The following SEPTIN5 variants were observed in gnomAD, a reference collection of about 807,000 sequenced individuals.
SEPTIN5 encodes the protein septin 5.
SEPTIN5 carries 16 observed loss-of-function variants against 51.2 expected under a neutral mutation model. The observed-to-expected ratio is 0.31, with a 90% CI of 0.21 to 0.47. The LOEUF is 0.47. Ranked by LOEUF, SEPTIN5 falls within the 20% of genes least tolerant of loss-of-function variation. SEPTIN5 has a pLI of 0.99. For synonymous variants in SEPTIN5, 208 were observed against 191.2 expected (o/e 1.09, Z -0.72); for missense variants, 376 against 500.3 (o/e 0.75, Z 2.37).
At chr22:19,716,346 A>G (rs1935910975) in intron 2 of SEPTIN5, among the ~76,000 whole-genome samples, 1 of 152,152 alleles carries the variant, frequency 6.6e-6, no homozygotes, top group African/African-American at 2.4e-5. Flanking sequence ...TGCTCTTTGA[A>G]AGGGGGCTGT....
rs558708440 is a variant in SEPTIN5 at position 19,714,645 on chromosome 22, C to CTGCCCGCGTGCCCGCG, written c.43+15_43+30dup. 1 of 1,509,086 alleles carries CTGCCCGCGTGCCCGCG rather than the reference C, an allele frequency of 6.6e-7. No individual in the cohort carries two copies. The highest frequency in any genetic ancestry group is 1.2e-5 in the South Asian group (1 of 81,380). The allele number at this position is 1,509,086 out of a possible 1,614,324, so 93.5% of individuals were successfully genotyped here. ...TGGCGACCCCAGGTGAGCCCAGCGC[C>CTGCCCGCGTGCCCGCG]TGCCCGCGTGCCCGCGCGCGCCTTT... is the stretch of plus-strand genomic sequence containing the variant. On this transcript the variant is annotated intron_variant, in intron 1 of 11. Coordinates refer to ENST00000455784, the MANE Select transcript of SEPTIN5 (RefSeq NM_002688.6). This position sits in a 1 kb window ranked among gnomAD's most constrained non-coding sequence, Gnocchi z 5.2.
In SEPTIN5 at chr22:19,720,061, A is replaced by C. The variant is rs1935994714; in HGVS notation, c.239-54A>C. The C allele has an allele frequency of 2.5e-6, 4 of 1,611,032 alleles. No individual in the cohort carries two copies. The Admixed American group carries it at 5.0e-5, about 20-fold the overall frequency. On this transcript the variant is annotated intron_variant, in intron 4 of 11. Coordinates refer to ENST00000455784, the MANE Select transcript of SEPTIN5 (RefSeq NM_002688.6). ...GATGAGGACGAGGGTCCTGGCTGCC[A>C]AGGGTGAGGGGCTGAGGGTTGGAGA...
chr22:19,723,165 C>T lies in SEPTIN5; in HGVS notation c.*681C>T, dbSNP rs776521123. The stretch of plus-strand genomic sequence containing the variant: ...CCCCTGCCCTCGCTCGAGGCCTCTT[C>T]TCCCCAGCACCGCTGTGGTGTGCCG... On this transcript the variant is annotated 3_prime_UTR_variant, in exon 12 of 12. Transcript: ENST00000455784. 4 of 572,290 alleles carry T rather than the reference C, an allele frequency of 7.0e-6. No homozygotes were observed. The highest frequency in any genetic ancestry group is 1.3e-5 in the Non-Finnish European group (4 of 302,270). 35.5% of individuals were successfully genotyped at this position (572,290 alleles called of 1,614,324 possible). A position where few individuals can be genotyped will look rare whatever the true frequency, so the allele number is the denominator to read the frequency against.
chr22:19,722,625 C>T lies in SEPTIN5; in HGVS notation c.*141C>T. The T allele has an allele frequency of 3.3e-6, 3 of 899,186 alleles. No individual in the cohort carries two copies. The highest frequency in any genetic ancestry group is 5.1e-6 in the Non-Finnish European group (3 of 585,602). 55.7% of individuals were successfully genotyped at this position (899,186 alleles called of 1,614,324 possible). A position where few individuals can be genotyped will look rare whatever the true frequency, so the allele number is the denominator to read the frequency against. On this transcript the variant is annotated 3_prime_UTR_variant, in exon 12 of 12. Transcript: ENST00000455784. ...TTCTCAGCACCACCCCCTCCCAGGT[C>T]ATTGTGTCTGTTTCCGAGGGGCCTG...
At chr22:19,718,491 T>C in intron 2 of SEPTIN5, 1 of 1,213,600 alleles carries the variant, frequency 8.2e-7, no homozygotes, top group Non-Finnish European at 1.0e-6. Context: ...CTGCCCGGAC[T>C]GCGACGCCGC....
At position 19,722,424 on chromosome 22, in the gene SEPTIN5, G is replaced by A; in HGVS notation, c.1054-4G>A. 1 of 1,600,682 alleles carries A rather than the reference G, an allele frequency of 6.2e-7. No individual in the cohort carries two copies. Among genetic ancestry groups the A allele is most frequent in the Middle Eastern group, 1.7e-4 (1 of 6,042 alleles). Reference sequence around the variant, plus strand: ...CTCACCCGCCGGGTTGTCTCCGCCCGCAGCTGAGGCGCATGCAGGAGATGC... The same window carrying A: ...CTCACCCGCCGGGTTGTCTCCGCCCACAGCTGAGGCGCATGCAGGAGATGC... On this transcript the variant is annotated splice_polypyrimidine_tract_variant and splice_region_variant and intron_variant, in intron 11 of 11. Transcript: ENST00000455784.
At position 19,714,876 on chromosome 22, in the gene SEPTIN5, G is replaced by T; in HGVS notation, c.54+85G>T. 3 of 1,467,332 alleles carry T rather than the reference G, an allele frequency of 2.0e-6. No individual in the cohort carries two copies. Among genetic ancestry groups the T allele is most frequent in the Non-Finnish European group, 2.8e-6 (3 of 1,089,388 alleles). 90.9% of individuals were successfully genotyped at this position (1,467,332 alleles called of 1,614,324 possible). A position where few individuals can be genotyped will look rare whatever the true frequency, so the allele number is the denominator to read the frequency against. On this transcript the variant is annotated intron_variant, in intron 2 of 11. Coordinates refer to ENST00000455784, the MANE Select transcript of SEPTIN5 (RefSeq NM_002688.6). The surrounding 1 kb of genome is among the most constrained non-coding windows in gnomAD (Gnocchi z 5.2). ...ACTAGCGCCTTGGGCGCCCAGGCGC[G>T]ACCCCGCCCCCGCCGGCCCTCACCC...
Position 19,722,702 on chromosome 22 carries a change from G to T in SEPTIN5, c.*218G>T. Reference sequence around the variant, plus strand: ...TCTCTGACCTTGGGGGATCAGGAGCGAAGTTGGGCGGGACTTCAGAGATCC... The same window carrying T: ...TCTCTGACCTTGGGGGATCAGGAGCTAAGTTGGGCGGGACTTCAGAGATCC... On this transcript the variant is annotated 3_prime_UTR_variant, in exon 12 of 12. Coordinates refer to ENST00000455784, the MANE Select transcript of SEPTIN5 (RefSeq NM_002688.6). 1.7e-6 allele frequency: 1 copy of T among 594,944 alleles called. No homozygotes were observed. The highest frequency in any genetic ancestry group is 3.0e-6 in the Non-Finnish European group (1 of 337,570). The allele number at this position is 594,944 out of a possible 1,614,324, so 36.9% of individuals were successfully genotyped here.
chr22:19,722,183 C>T, intron 10 of SEPTIN5, 54 bp from the exon 11 acceptor site: 2 of 1,360,020 alleles, frequency 1.5e-6, no homozygotes, highest in Non-Finnish European at 2.0e-6. Context: ...CGCCAGCCCA[C>T]GCTGAGCCTC....
Position 19,714,737 on chromosome 22 carries a change from G to T in SEPTIN5, c.44-44G>T. ...CTCCCCCGCCCGCCGGCCCGGACCC[G>T]CTCGGAACCGGACCCGGACTCGACC... On this transcript the variant is annotated intron_variant, in intron 1 of 11. Transcript: ENST00000455784. The surrounding 1 kb of genome is among the most constrained non-coding windows in gnomAD (Gnocchi z 5.2). 1 of 1,292,004 alleles carries T rather than the reference G, an allele frequency of 7.7e-7. No homozygotes were observed. Among genetic ancestry groups the T allele is most frequent in the Non-Finnish European group, 1.0e-6 (1 of 962,552 alleles). 80.0% of individuals were successfully genotyped at this position (1,292,004 alleles called of 1,614,324 possible). A position where few individuals can be genotyped will look rare whatever the true frequency, so the allele number is the denominator to read the frequency against.
Position 19,716,406 on chromosome 22 carries a change from A to G in SEPTIN5, c.54+1615A>G, listed in dbSNP as rs9617827. On this transcript the variant is annotated intron_variant, in intron 2 of 11. Coordinates refer to ENST00000455784, the MANE Select transcript of SEPTIN5 (RefSeq NM_002688.6). ...CTACGCTCTGTGCCCCCACCTCCTC[A>G]CAGGCAGCACCGGTGATCTCTTGGC... is the stretch of plus-strand genomic sequence containing the variant. Among the ~76,000 whole-genome samples the G allele has an allele frequency of 4.5e-3, 692 of 152,316 alleles. 1 individual carries two copies. The highest frequency in any genetic ancestry group is 0.018 in the South Asian group (89 of 4,830).
intron 2 of SEPTIN5, among the ~76,000 whole-genome samples, chr22:19,715,377 T>C (rs1935898234): frequency 6.6e-6 from 1 of 152,216 alleles, no homozygotes; most frequent in Non-Finnish European, 1.5e-5. Flanking sequence ...TGGGTACAAA[T>C]AGGCTTGTGG....
intron 2 of SEPTIN5, chr22:19,718,843 G>A: frequency 8.1e-7 from 1 of 1,234,930 alleles, no homozygotes; most frequent in Non-Finnish European, 1.0e-6. Context: ...AGGGCGGAAC[G>A]TGGGTCTGTG....
intron 8 of SEPTIN5, among the ~76,000 whole-genome samples, chr22:19,721,283 G>A (rs1936026095): frequency 6.6e-6 from 1 of 151,866 alleles, no homozygotes. Flanking sequence ...GAGTGATGAT[G>A]GAGACCATGC....
chr22:19,718,413 C>T (rs1935950347), intron 2 of SEPTIN5: 1 of 1,051,678 alleles, frequency 9.5e-7, no homozygotes. Context: ...CCGTCTCTGC[C>T]GCCCCCCGCC....
intron 2 of SEPTIN5, among the ~76,000 whole-genome samples, chr22:19,715,340 G>T (rs559814049): frequency 6.6e-6 from 1 of 152,344 alleles, no homozygotes; most frequent in East Asian, 1.9e-4. Flanking sequence ...AGTCATTCTG[G>T]GTGCCCAGAT....
intron 10 of SEPTIN5, 119 bp from the exon 11 acceptor site, chr22:19,722,118 G>A: frequency 8.3e-7 from 1 of 1,206,030 alleles, no homozygotes; most frequent in Non-Finnish European, 1.1e-6. Context: ...CAAGTCCAGG[G>A]CTGTGAGGGC....
intron 2 of SEPTIN5, chr22:19,718,409 C>G: frequency 9.5e-7 from 1 of 1,048,328 alleles, no homozygotes. Flanking sequence ...GGGGCCGTCT[C>G]TGCCGCCCCC....
Position 19,714,943 on chromosome 22 carries a change from C to T in SEPTIN5, c.54+152C>T, listed in dbSNP as rs746066182. ...CCGATTGTCAGCCGGGCAGTGCCGCCGCGCCTGGGGCTTCAGAGGAGAGGA... is the reference window on the plus strand; with the variant it reads ...CCGATTGTCAGCCGGGCAGTGCCGCTGCGCCTGGGGCTTCAGAGGAGAGGA... On this transcript the variant is annotated intron_variant, in intron 2 of 11. Transcript: ENST00000455784. This position sits in a 1 kb window ranked among gnomAD's most constrained non-coding sequence, Gnocchi z 5.2. 5.7e-6 allele frequency: 6 copies of T among 1,054,854 alleles called. No homozygotes were observed. The East Asian group carries it at 1.2e-4, about 21-fold the overall frequency. 65.3% of individuals were successfully genotyped at this position (1,054,854 alleles called of 1,614,324 possible).
Sources: gnomAD v4.1 joint callset for allele counts (sites outside exome capture counted in the v4.1 genomes callset) on GRCh38, gnomAD v4.1.1 for gene constraint, Gnocchi (gnomAD v3.1) non-coding constraint, MANE v1.5 for transcripts, NCBI Gene and HGNC (gene_info 2026-07-23, HGNC 2026-07-21) for gene names.